Variants in SEC24A observed in about 807,000 individuals in gnomAD.
The protein encoded by SEC24A is protein transport protein Sec24A.
SEC24A carries 93 observed loss-of-function variants against 129.4 expected under a neutral mutation model. The observed-to-expected ratio is 0.72, with a 90% CI of 0.61 to 0.85. SEC24A has a LOEUF of 0.85. SEC24A is among the 40% of genes least tolerant of loss of function. The probability of loss-of-function intolerance (pLI) is 0.00; values close to 1 mark genes in which losing one functional copy is unlikely to be tolerated. For synonymous variants in SEC24A, 460 were observed against 467.3 expected (o/e 0.98, Z 0.20); for missense variants, 1,264 against 1,307.4 (o/e 0.97, Z 0.51).
chr5:134,678,851 A>G (rs1751161888), intron 7 of SEC24A, among the ~76,000 whole-genome samples: 1 of 151,708 alleles, frequency 6.6e-6, no homozygotes, highest in Non-Finnish European at 1.5e-5. Context: ...AAGTGCTGGG[A>G]TTACAGGCAT....
chr5:134,711,645 C>G (rs1752328525), intron 18 of SEC24A, among the ~76,000 whole-genome samples: 2 of 149,568 alleles, frequency 1.3e-5, no homozygotes, highest in Non-Finnish European at 3.0e-5. Context: ...TCACTACGAC[C>G]TCAGCCTCCT....
intron 1 of SEC24A, among the ~76,000 whole-genome samples, chr5:134,660,841 G>A (rs1750428084): frequency 6.6e-6 from 1 of 152,170 alleles, no homozygotes; most frequent in Non-Finnish European, 1.5e-5. Flanking sequence ...ACAGATGTGA[G>A]CCACTGCGCT....
intron 17 of SEC24A, among the ~76,000 whole-genome samples, chr5:134,706,672 A>G (rs900852063): frequency 4.0e-5 from 6 of 151,724 alleles, no homozygotes; most frequent in Non-Finnish European, 7.4e-5. Flanking sequence ...GCTAACTAAC[A>G]TTCATTCATT....
At position 134,725,133 on chromosome 5, in the gene SEC24A, C is replaced by A; in HGVS notation, c.*39C>A. 9.9e-7 allele frequency: 1 copy of A among 1,013,646 alleles called. No individual in the cohort carries two copies. The highest frequency in any genetic ancestry group is 1.6e-6 in the Non-Finnish European group (1 of 643,366). The allele number at this position is 1,013,646 out of a possible 1,614,324, so 62.8% of individuals were successfully genotyped here. A position where few individuals can be genotyped will look rare whatever the true frequency, so the allele number is the denominator to read the frequency against. ...TTTGACTTATTTTTAAGGAATGTCA[C>A]GATAGTGCAGAATACCTGGAAATGT... On this transcript the variant is annotated 3_prime_UTR_variant, in exon 23 of 23. Transcript: ENST00000398844.
chr5:134,676,052 C>T lies in SEC24A; in HGVS notation c.1181C>T (p.Pro394Leu). 6.2e-7 allele frequency: 1 copy of T among 1,612,496 alleles called. No homozygotes were observed. Among genetic ancestry groups the T allele is most frequent in the Non-Finnish European group, 8.5e-7 (1 of 1,179,314 alleles). Residue 394 changes from proline to leucine, a missense_variant, in exon 7 of 23, where the codon CCT becomes CTT. Transcript: ENST00000398844. ...ELFRCTLTSIPQTQALLNKAK... is the reference protein window; with the variant it reads ...ELFRCTLTSILQTQALLNKAK... ...TTTCGATGCACGCTGACTAGCATTC[C>T]TCAGACGCAGGCCTTATTGAATAAA...
intron 1 of SEC24A, among the ~76,000 whole-genome samples, chr5:134,649,935 A>G (rs1483583191): frequency 6.6e-6 from 1 of 152,228 alleles, no homozygotes; most frequent in African/African-American, 2.4e-5. Context: ...ATAGACAAAG[A>G]CTTTCTGCCG....
chr5:134,661,170 A>T lies in SEC24A; in HGVS notation c.149A>T (p.Tyr50Phe). The change falls in exon 2 of 23, where the codon TAC (tyrosine) becomes TTC (phenylalanine). Residue 50 changes from tyrosine to phenylalanine, a missense_variant. Physicochemically the swap from Tyr to Phe is conservative, Grantham distance 22. Coordinates refer to ENST00000398844, the MANE Select transcript of SEC24A (RefSeq NM_021982.3). ...TCACAAGAGTCAGTGAGCCAAGGAT[A>T]CAATTTCCAGCTTCCAGGATCCTAC... Reference protein sequence around the residue: ...LSSQESVSQGYNFQLPGSYPH... With the variant: ...LSSQESVSQGFNFQLPGSYPH... The T allele has an allele frequency of 6.2e-7, 1 of 1,613,872 alleles. No individual in the cohort carries two copies. The highest frequency in any genetic ancestry group is 8.5e-7 in the Non-Finnish European group (1 of 1,179,918).
chr5:134,662,231 T>A (rs1750493962), intron 2 of SEC24A, among the ~76,000 whole-genome samples: 1 of 152,118 alleles, frequency 6.6e-6, no homozygotes, highest in African/African-American at 2.4e-5. Context: ...CTTGGCTCAC[T>A]GCAAGCTCTG....
At chr5:134,683,654 C>T (rs1751350523) in intron 9 of SEC24A, among the ~76,000 whole-genome samples, 2 of 152,204 alleles carry the variant, frequency 1.3e-5, no homozygotes, top group South Asian at 2.1e-4. Flanking sequence ...GCTGGGACTA[C>T]AGACATGCAC....
chr5:134,653,594 G>A (rs1750138865), intron 1 of SEC24A, among the ~76,000 whole-genome samples: 1 of 152,126 alleles, frequency 6.6e-6, no homozygotes, highest in Admixed American at 6.6e-5. Flanking sequence ...ACCAGGTGTG[G>A]TGGCTCACAC....
chr5:134,685,167 C>T (rs956096104), intron 9 of SEC24A, among the ~76,000 whole-genome samples: 24 of 151,824 alleles, frequency 1.6e-4, no homozygotes, highest in African/African-American at 5.6e-4. Context: ...GCCAACAGTT[C>T]GAGACCAGCC....
intron 15 of SEC24A, among the ~76,000 whole-genome samples, chr5:134,702,191 C>A (rs1048016529): frequency 1.3e-5 from 2 of 151,972 alleles, no homozygotes; most frequent in Non-Finnish European, 1.5e-5. Context: ...TTGTATATTT[C>A]TTTTTAAGAG....
In SEC24A at chr5:134,723,630, A is replaced by G; in HGVS notation, c.3127A>G (p.Arg1043Gly). The change falls in exon 22 of 23, where the codon AGA becomes GGA. Residue 1043 changes from arginine (R) to glycine (G), a missense_variant. Transcript: ENST00000398844. ...ARIIAFISWLREQRPFFPILY... is the reference protein window; with the variant it reads ...ARIIAFISWLGEQRPFFPILY... Reference sequence around the variant, plus strand: ...AATAATAGCTTTCATCTCTTGGCTTAGAGAGCAGAGACCATTTTTCCCAAT... The same window carrying G: ...AATAATAGCTTTCATCTCTTGGCTTGGAGAGCAGAGACCATTTTTCCCAAT... 1 of 1,612,268 alleles carries G rather than the reference A, an allele frequency of 6.2e-7. No homozygotes were observed. Among genetic ancestry groups the G allele is most frequent in the Non-Finnish European group, 8.5e-7 (1 of 1,178,388 alleles).
intron 1 of SEC24A, among the ~76,000 whole-genome samples, chr5:134,659,976 C>T (rs1259827699): frequency 6.6e-6 from 1 of 151,996 alleles, no homozygotes; most frequent in Admixed American, 6.6e-5. Context: ...ATTGGCCTGT[C>T]AAATTTTTGC....
At chr5:134,678,488 T>A (rs922200191) in intron 7 of SEC24A, among the ~76,000 whole-genome samples, 1 of 151,824 alleles carries the variant, frequency 6.6e-6, no homozygotes, top group African/African-American at 2.4e-5. Flanking sequence ...AGAGATGGGC[T>A]GTTGCTGTGT....
intron 21 of SEC24A, among the ~76,000 whole-genome samples, chr5:134,721,788 C>CT (rs2150114893): frequency 6.6e-6 from 1 of 152,164 alleles, no homozygotes; most frequent in Non-Finnish European, 1.5e-5. Context: ...GGGAGGAGTG[C>CT]TAGGACCTGG....
At chr5:134,665,782 C>T (rs1163112813) in intron 2 of SEC24A, among the ~76,000 whole-genome samples, 3 of 152,056 alleles carry the variant, frequency 2.0e-5, no homozygotes, top group African/African-American at 7.2e-5. Flanking sequence ...GTCTTGAACT[C>T]CTGACCACAG....
intron 1 of SEC24A, 83 bp from the exon 2 acceptor site, chr5:134,661,036 T>A: frequency 1.0e-6 from 1 of 981,272 alleles, no homozygotes; most frequent in Non-Finnish European, 1.5e-6. Context: ...TATTGCTGAC[T>A]GTAAGAATAT....
chr5:134,666,886 A>G lies in SEC24A; in HGVS notation c.629A>G (p.His210Arg). The G allele has an allele frequency of 1.2e-6, 2 of 1,610,850 alleles. No individual in the cohort carries two copies. Among genetic ancestry groups the G allele is most frequent in the Non-Finnish European group, 1.7e-6 (2 of 1,177,902 alleles). ...LPTTFQPGAP[H>R]GPPPAGGPPP... is the part of the protein sequence containing the mutation. ...ACAACTTTTCAACCAGGAGCTCCTC[A>G]TGGGCCCCCTCCAGCTGGAGGCCCA... is the stretch of plus-strand genomic sequence containing the variant. The change falls in exon 3 of 23, where the codon CAT becomes CGT. Residue 210 changes from histidine to arginine, a missense_variant. By Grantham distance (29) the His-to-Arg change is conservative (BLOSUM62 0). Coordinates refer to ENST00000398844, the MANE Select transcript of SEC24A (RefSeq NM_021982.3).
Sources: gnomAD v4.1 joint callset for allele counts (sites outside exome capture counted in the v4.1 genomes callset) on GRCh38, gnomAD v4.1.1 for gene constraint, MANE v1.5 for transcripts, NCBI Gene and HGNC (gene_info 2026-07-23, HGNC 2026-07-21) for gene names.